XIRP2: variants seen among roughly 807,000 people sequenced by gnomAD.
XIRP2 encodes the protein xin actin binding repeat containing 2.
XIRP2 carries 236 observed loss-of-function variants against 277.0 expected under a neutral mutation model. That is an observed-to-expected ratio of 0.85 (90% CI 0.77 to 0.95). The LOEUF is 0.95. Ranked by LOEUF, XIRP2 falls within the 40% of genes least tolerant of loss-of-function variation. The probability of loss-of-function intolerance (pLI) is 0.00; values close to 1 mark genes in which losing one functional copy is unlikely to be tolerated. For missense variants in XIRP2, 4,640 were observed against 4,157.5 expected, an observed-to-expected ratio of 1.12 and a Z score of -3.19; for synonymous variants, 1,490 against 1,416.5, an observed-to-expected ratio of 1.05 and a Z score of -1.17.
At chr2:167,024,340 A>C (rs1475502333) in intron 2 of XIRP2, among the ~76,000 whole-genome samples, 1 of 152,122 alleles carries the variant, frequency 6.6e-6, no homozygotes, top group East Asian at 1.9e-4. Flanking sequence ...TTATCAGCTT[A>C]AGGAGATTTT....
At chr2:167,141,935 G>A (rs1691730290) in intron 3 of XIRP2, among the ~76,000 whole-genome samples, 1 of 152,120 alleles carries the variant, frequency 6.6e-6, no homozygotes, top group Admixed American at 6.6e-5. Context: ...AAGGTTTGAG[G>A]CAGAATATTC....
chr2:166,924,056 A>G (rs1218597061), intron 2 of XIRP2, among the ~76,000 whole-genome samples: 4 of 152,096 alleles, frequency 2.6e-5, no homozygotes, highest in African/African-American at 9.7e-5. Flanking sequence ...TAAGCTGGAC[A>G]CTAATTAAGG....
Position 166,910,918 on chromosome 2 carries a change from C to A in XIRP2, c.408+7028C>A, listed in dbSNP as rs191806391. Among the ~76,000 whole-genome samples, 600 of 152,182 alleles carry A rather than the reference C, an allele frequency of 3.9e-3. 5 individuals are homozygous for A. The highest frequency in any genetic ancestry group is 7.2e-3 in the Non-Finnish European group (489 of 68,000). ...GTTGTTCAGTTTCCATGTAGTTGAG[C>A]GGTTTTGAGTGAGTTTCTTAATCCT... is the stretch of plus-strand genomic sequence containing the variant. On this transcript the variant is annotated intron_variant, in intron 2 of 10. Transcript: ENST00000409195.
chr2:167,163,985 T>C (rs182066025), intron 3 of XIRP2, among the ~76,000 whole-genome samples: 297 of 152,332 alleles, frequency 1.9e-3, no homozygotes, highest in Non-Finnish European at 3.6e-3. Context: ...TATTGACCTA[T>C]GTTTTATTCT....
chr2:167,229,773 G>C (rs1694700883), intron 5 of XIRP2, among the ~76,000 whole-genome samples: 1 of 152,080 alleles, frequency 6.6e-6, no homozygotes, highest in Non-Finnish European at 1.5e-5. Context: ...AAAAGTAAGA[G>C]ACATTAAGAA....
intron 2 of XIRP2, among the ~76,000 whole-genome samples, chr2:166,917,145 G>A (rs1033700712): frequency 1.3e-5 from 2 of 152,098 alleles, no homozygotes; most frequent in African/African-American, 4.8e-5. Context: ...AAGAAGCTTT[G>A]GGCAAAGAAG....
chr2:166,995,633 C>G (rs1352244261), intron 2 of XIRP2, among the ~76,000 whole-genome samples: 1 of 152,112 alleles, frequency 6.6e-6, no homozygotes, highest in African/African-American at 2.4e-5. Flanking sequence ...TCTCCATCTC[C>G]TATAATATGG....
intron 2 of XIRP2, among the ~76,000 whole-genome samples, chr2:167,046,664 G>T (rs1226786755): frequency 6.6e-6 from 1 of 151,964 alleles, no homozygotes; most frequent in Non-Finnish European, 1.5e-5. Context: ...TAAATGACTT[G>T]ACATGGGAAC....
At chr2:166,907,639 GT>G (rs1407129318) in intron 2 of XIRP2, among the ~76,000 whole-genome samples, 2 of 149,970 alleles carry the variant, frequency 1.3e-5, no homozygotes, top group African/African-American at 4.9e-5. Flanking sequence ...AATACTCTAA[GT>G]TCTAGGGTAC....
rs1055343089 is a variant in XIRP2 at position 167,092,777 on chromosome 2, A to G, written c.409-43132A>G. Among the ~76,000 whole-genome samples, 47 of 152,144 alleles carry G rather than the reference A, an allele frequency of 3.1e-4. 1 individual carries two copies. The highest frequency in any genetic ancestry group is 2.9e-5 in the Non-Finnish European group (2 of 68,028). ...CTAAGAAAGATACATAGTGGTCAAAACTGATGATTATTTGTGAGTTGTAGA... is the reference window on the plus strand; with the variant it reads ...CTAAGAAAGATACATAGTGGTCAAAGCTGATGATTATTTGTGAGTTGTAGA... On this transcript the variant is annotated intron_variant, in intron 2 of 10. Coordinates refer to ENST00000409195, the MANE Select transcript of XIRP2 (RefSeq NM_152381.6).
At chr2:166,901,533 C>A (rs775434058) in intron 1 of XIRP2, among the ~76,000 whole-genome samples, 44 of 152,132 alleles carry the variant, frequency 2.9e-4, no homozygotes, top group Middle Eastern at 3.4e-3. Context: ...AGTTTTTCTG[C>A]CTCTCAGCTT....
At chr2:166,985,604 G>C (rs1558938655) in intron 2 of XIRP2, among the ~76,000 whole-genome samples, 1 of 151,696 alleles carries the variant, frequency 6.6e-6, no homozygotes, top group Admixed American at 6.6e-5. Context: ...CTAATTTTTG[G>C]TATTTTTAGT....
At chr2:167,098,861 A>G (rs1162650916) in intron 2 of XIRP2, among the ~76,000 whole-genome samples, 2 of 152,138 alleles carry the variant, frequency 1.3e-5, no homozygotes, top group Non-Finnish European at 2.9e-5. Context: ...TTGGCTGGGT[A>G]TCACCAGTGG....
intron 3 of XIRP2, among the ~76,000 whole-genome samples, chr2:167,173,174 T>C (rs1428187893): frequency 6.6e-6 from 1 of 152,242 alleles, no homozygotes; most frequent in African/African-American, 2.4e-5. Flanking sequence ...AATTAAATTA[T>C]TATTGACTAT....
intron 2 of XIRP2, among the ~76,000 whole-genome samples, chr2:167,025,805 C>G (rs1318867974): frequency 1.3e-5 from 2 of 152,074 alleles, no homozygotes; most frequent in Admixed American, 6.6e-5. Flanking sequence ...TTTGCTTGCA[C>G]TGTGGTCTGA....
intron 2 of XIRP2, among the ~76,000 whole-genome samples, chr2:167,021,410 T>G (rs1361767488): frequency 2.0e-5 from 3 of 152,132 alleles, no homozygotes; most frequent in Non-Finnish European, 4.4e-5. Flanking sequence ...GTATATTATT[T>G]TAATTATAGC....
chr2:167,005,435 A>G (rs1687480592), intron 2 of XIRP2, among the ~76,000 whole-genome samples: 1 of 151,868 alleles, frequency 6.6e-6, no homozygotes, highest in South Asian at 2.1e-4. Context: ...TGAAGAAACT[A>G]AGATGTAAAG....
At chr2:166,933,633 G>T (rs750415260) in intron 2 of XIRP2, among the ~76,000 whole-genome samples, 2 of 151,766 alleles carry the variant, frequency 1.3e-5, no homozygotes, top group Admixed American at 1.3e-4. Context: ...ATTCCAGAAG[G>T]TGCATGTTTG....
At chr2:167,212,857 T>C (rs1694094419) in intron 4 of XIRP2, among the ~76,000 whole-genome samples, 1 of 151,810 alleles carries the variant, frequency 6.6e-6, no homozygotes, top group Admixed American at 6.6e-5. Context: ...AATTGTTTAT[T>C]TAATCATGTG....
Sources: allele counts gnomAD v4.1 joint callset (sites outside exome capture counted in the v4.1 genomes callset), GRCh38; gene constraint gnomAD v4.1.1; transcripts MANE v1.5; gene names NCBI Gene and HGNC (gene_info 2026-07-23, HGNC 2026-07-21).